TFDP2: variants seen among roughly 807,000 people sequenced by gnomAD.
TFDP2 encodes the protein transcription factor Dp-2 (E2F dimerization partner 2).
In TFDP2, 17 loss-of-function variants were observed where a neutral mutation model predicts 59.3. That is an observed-to-expected ratio of 0.29 (90% CI 0.20 to 0.43). The LOEUF (loss-of-function observed/expected upper bound fraction) is 0.43. TFDP2 is among the 20% of genes least tolerant of loss of function. The pLI is 1.00. For missense variants in TFDP2, 391 were observed against 528.8 expected (o/e 0.74, Z 2.56); for synonymous variants, 180 against 194.7 (o/e 0.92, Z 0.63).
At chr3:142,136,397 T>C (rs1425997976) in intron 1 of TFDP2, among the ~76,000 whole-genome samples, 1 of 152,134 alleles carries the variant, frequency 6.6e-6, no homozygotes, top group East Asian at 1.9e-4. Context: ...TGGCAGTTTC[T>C]TTTGCCGTGC....
In TFDP2 at chr3:142,105,442, T is replaced by C. The variant is rs1265265453; in HGVS notation, c.-92-3601A>G. ...GTTGGTGTGGGCTACCAGATTCAAC[T>C]AGTAGGTGTCCTTTTTCCCCACCCT... On this transcript the variant is annotated intron_variant, in intron 1 of 12. Coordinates refer to ENST00000489671, the MANE Select transcript of TFDP2 (RefSeq NM_001178139.2). Among the ~76,000 whole-genome samples, 3 of 151,408 alleles carry C rather than the reference T, an allele frequency of 2.0e-5. 1 individual carries two copies. The highest frequency in any genetic ancestry group is 4.2e-4 in the South Asian group (2 of 4,806).
chr3:142,001,461 T>G (rs1342687901), intron 4 of TFDP2, among the ~76,000 whole-genome samples: 1 of 152,158 alleles, frequency 6.6e-6, no homozygotes, highest in Non-Finnish European at 1.5e-5. Flanking sequence ...GGGCCTGTGA[T>G]GGGAGGAGCA....
At chr3:142,033,218 A>C (rs1946522309) in intron 3 of TFDP2, among the ~76,000 whole-genome samples, 1 of 152,146 alleles carries the variant, frequency 6.6e-6, no homozygotes, top group South Asian at 2.1e-4. Context: ...AATACATAAA[A>C]TTAAATTTAA....
intron 1 of TFDP2, among the ~76,000 whole-genome samples, chr3:142,128,020 A>T (rs2062334411): frequency 6.6e-6 from 1 of 152,124 alleles, no homozygotes; most frequent in African/African-American, 2.4e-5. Context: ...CAACACAGTG[A>T]AACTTCATCT....
chr3:142,140,724 C>T (rs886602980), intron 1 of TFDP2, among the ~76,000 whole-genome samples: 7 of 152,176 alleles, frequency 4.6e-5, no homozygotes, highest in African/African-American at 1.7e-4. Flanking sequence ...TTCAGAACAG[C>T]AATTATTGCT....
intron 11 of TFDP2, among the ~76,000 whole-genome samples, chr3:141,957,687 T>C (rs1195507902): frequency 6.6e-6 from 1 of 152,158 alleles, no homozygotes; most frequent in African/African-American, 2.4e-5. Context: ...CTTGAAACAC[T>C]ACACTAAGTG....
chr3:142,141,765 G>A (rs1027614067), intron 1 of TFDP2, among the ~76,000 whole-genome samples: 2 of 151,946 alleles, frequency 1.3e-5, no homozygotes, highest in Non-Finnish European at 2.9e-5. Flanking sequence ...GGAGGTTGCA[G>A]TGAGCCGATA....
chr3:142,005,558 A>G lies in TFDP2; in HGVS notation c.83-14T>C. The G allele has an allele frequency of 6.4e-7, 1 of 1,561,564 alleles. No homozygotes were observed. Among genetic ancestry groups the G allele is most frequent in the Non-Finnish European group, 8.7e-7 (1 of 1,146,800 alleles). On this transcript the variant is annotated splice_polypyrimidine_tract_variant and intron_variant, in intron 3 of 12. Transcript: ENST00000489671. ...ATGAAATGTTGCCTGAAATGATATC[A>G]AAACATTAAGTTAGTATTCTGCCAT...
chr3:141,975,490 C>T (rs947141864), intron 7 of TFDP2, among the ~76,000 whole-genome samples: 16 of 151,958 alleles, frequency 1.1e-4, no homozygotes, highest in Non-Finnish European at 1.9e-4. Flanking sequence ...GTCAGGAGTT[C>T]AAGACCAGCC....
chr3:142,014,018 T>C (rs1389089592), intron 3 of TFDP2, among the ~76,000 whole-genome samples: 4 of 152,210 alleles, frequency 2.6e-5, no homozygotes, highest in Admixed American at 2.6e-4. Flanking sequence ...ACTGGTAACT[T>C]ACTATAAGAA....
intron 3 of TFDP2, among the ~76,000 whole-genome samples, chr3:142,023,465 ACAGGCGTGAACCAC>A (rs1235814145): frequency 1.3e-5 from 2 of 151,900 alleles, no homozygotes; most frequent in Admixed American, 1.3e-4. Context: ...TGCTGGGATT[ACAGGCGTGAACCAC>A]CACGCCTGGC....
intron 3 of TFDP2, chr3:142,043,763 G>A (rs1275625378): frequency 1.3e-6 from 2 of 1,581,964 alleles, no homozygotes; most frequent in Non-Finnish European, 1.7e-6. Context: ...AGCTTCTTGC[G>A]GGCCTTGTCT....
At chr3:142,006,586 A>G (rs1362145827) in intron 3 of TFDP2, among the ~76,000 whole-genome samples, 3 of 150,892 alleles carry the variant, frequency 2.0e-5, no homozygotes. Flanking sequence ...CTCCCACCTC[A>G]GCCTCCAAAG....
In TFDP2 at chr3:141,965,966, A is replaced by T. The variant is rs548160139; in HGVS notation, c.733-2003T>A. Among the ~76,000 whole-genome samples the T allele has an allele frequency of 2.8e-4, 42 of 151,942 alleles. 1 individual carries two copies. In the South Asian group the frequency reaches 8.1e-3, roughly 29 times the overall value. ...TCTCTTCCCTTTTACTAGAATACACATCTCAAGAGCTGTTCCTACACTTTG... is the reference window on the plus strand; with the variant it reads ...TCTCTTCCCTTTTACTAGAATACACTTCTCAAGAGCTGTTCCTACACTTTG... On this transcript the variant is annotated intron_variant, in intron 9 of 12. Coordinates refer to ENST00000489671, the MANE Select transcript of TFDP2 (RefSeq NM_001178139.2).
chr3:142,137,191 T>C (rs1466596085), intron 1 of TFDP2, among the ~76,000 whole-genome samples: 3 of 152,168 alleles, frequency 2.0e-5, no homozygotes, highest in Non-Finnish European at 4.4e-5. Flanking sequence ...CTGTCTGTTA[T>C]TGGTGTGTAG....
chr3:141,970,177 G>T, intron 8 of TFDP2, 36 bp from the exon 9 acceptor site: 1 of 1,586,196 alleles, frequency 6.3e-7, no homozygotes, highest in Non-Finnish European at 8.7e-7. Flanking sequence ...TATGAACATA[G>T]GTAGACTATA....
At chr3:142,044,106 T>A in intron 3 of TFDP2, 1 of 635,448 alleles carries the variant, frequency 1.6e-6, no homozygotes, top group Non-Finnish European at 2.9e-6. Context: ...CATTGGCAAT[T>A]TCACTGGTCT....
chr3:142,047,928 G>C (rs371449390), intron 3 of TFDP2, among the ~76,000 whole-genome samples: 2 of 151,762 alleles, frequency 1.3e-5, no homozygotes, highest in African/African-American at 2.4e-5. Context: ...TTTTAGTAGA[G>C]ACGCGGTCTC....
intron 4 of TFDP2, among the ~76,000 whole-genome samples, chr3:141,995,707 A>C (rs1366613109): frequency 6.6e-6 from 1 of 152,010 alleles, no homozygotes; most frequent in Non-Finnish European, 1.5e-5. Flanking sequence ...AACATGGTGA[A>C]AACCTATCTC....
Sources: gnomAD v4.1 joint callset for allele counts (sites outside exome capture counted in the v4.1 genomes callset) on GRCh38, gnomAD v4.1.1 for gene constraint, MANE v1.5 for transcripts, NCBI Gene and HGNC (gene_info 2026-07-23, HGNC 2026-07-21) for gene names.